Variants in CERS3 observed in about 807,000 individuals in gnomAD.
The protein encoded by CERS3 is ceramide synthase 3, also known as LAG1 homolog, ceramide synthase 3.
In CERS3, 33 loss-of-function variants were observed where a neutral mutation model predicts 50.3. The observed-to-expected ratio is 0.66, with a 90% CI of 0.50 to 0.88. The LOEUF is 0.88. CERS3 is among the 40% of genes least tolerant of loss of function. The pLI, the probability that CERS3 is intolerant of heterozygous loss-of-function variation, is 0.00. For synonymous variants in CERS3, 176 were observed against 155.2 expected, an observed-to-expected ratio of 1.13 and a Z score of -0.99; for missense variants, 470 against 460.3, an observed-to-expected ratio of 1.02 and a Z score of -0.19.
chr15:100,463,664 G>A (rs2654580), intron 10 of CERS3, among the ~76,000 whole-genome samples: 38,274 of 151,922 alleles, frequency 0.25, 5,323 homozygotes, highest in East Asian at 0.39. Flanking sequence ...GAACACATGT[G>A]GTAGAACAGG....
chr15:100,526,246 T>G (rs985709714), intron 1 of CERS3, among the ~76,000 whole-genome samples: 1 of 152,236 alleles, frequency 6.6e-6, no homozygotes, highest in Non-Finnish European at 1.5e-5. Flanking sequence ...TGCAGGTCAA[T>G]CTTTGCATCG....
intron 1 of CERS3, among the ~76,000 whole-genome samples, chr15:100,541,426 C>T (rs544919376): frequency 4.5e-4 from 69 of 152,116 alleles, no homozygotes; most frequent in South Asian, 1.0e-3. Flanking sequence ...GAGCCAAGAT[C>T]GTGCCACTGC....
intron 3 of CERS3, among the ~76,000 whole-genome samples, chr15:100,500,004 A>T (rs1216974138): frequency 6.6e-6 from 1 of 152,212 alleles, no homozygotes; most frequent in Non-Finnish European, 1.5e-5. Context: ...GATTTTATGT[A>T]GCTCTTAAAC....
rs58449704 is a variant in CERS3 at position 100,504,717 on chromosome 15, C to T, written c.-1-2867G>A. Among the ~76,000 whole-genome samples the T allele has an allele frequency of 8.5e-3, 1,293 of 152,082 alleles. 21 individuals are homozygous for T. Among genetic ancestry groups the T allele is most frequent in the African/African-American group, 0.029 (1,219 of 41,470 alleles). On this transcript the variant is annotated intron_variant, in intron 2 of 11. Transcript: ENST00000679737. ...GAAAGGACAGGGGTGAAGGGGTGAC[C>T]ACGGACTGCAGACTTGATCTGGGTA... is the stretch of plus-strand genomic sequence containing the variant.
intron 11 of CERS3, 53 bp from the exon 12 acceptor site, chr15:100,402,918 G>C: frequency 1.3e-6 from 2 of 1,528,470 alleles, no homozygotes; most frequent in South Asian, 2.5e-5. Context: ...GAAGAGTCTT[G>C]AGTAAATCTG....
At chr15:100,417,735 A>G (rs951311740) in intron 11 of CERS3, among the ~76,000 whole-genome samples, 5 of 151,988 alleles carry the variant, frequency 3.3e-5, no homozygotes, top group African/African-American at 9.7e-5. Context: ...TGGAGATCTG[A>G]GAACGGGCAG....
At chr15:100,416,701 A>C (rs1390694357) in intron 11 of CERS3, among the ~76,000 whole-genome samples, 1 of 152,182 alleles carries the variant, frequency 6.6e-6, no homozygotes, top group Non-Finnish European at 1.5e-5. Context: ...TATCACGAGA[A>C]CAGCATAGGG....
intron 1 of CERS3, among the ~76,000 whole-genome samples, chr15:100,535,896 C>T (rs1312075290): frequency 5.3e-4 from 12 of 22,458 alleles, no homozygotes; most frequent in Admixed American, 5.8e-4. Context: ...GAAGTGGGGA[C>T]ATCCCTGTGC....
rs776009939 is a variant in CERS3 at position 100,476,192 on chromosome 15, G to C, written c.517-14C>G. 1 of 1,528,894 alleles carries C rather than the reference G, an allele frequency of 6.5e-7. No individual in the cohort carries two copies. Among genetic ancestry groups the C allele is most frequent in the Non-Finnish European group, 8.8e-7 (1 of 1,136,408 alleles). The allele number at this position is 1,528,894 out of a possible 1,614,324, so 94.7% of individuals were successfully genotyped here. On this transcript the variant is annotated splice_polypyrimidine_tract_variant and intron_variant, in intron 7 of 11. Transcript: ENST00000679737. ...TGGCAGCAGGGGCTGAGGAAAAGAA[G>C]AGTATTCATTACTTTAAATGCCATC...
chr15:100,466,205 G>A (rs1333150277), intron 10 of CERS3, among the ~76,000 whole-genome samples: 3 of 152,146 alleles, frequency 2.0e-5, no homozygotes, highest in Non-Finnish European at 4.4e-5. Flanking sequence ...GCACTACCCC[G>A]ACAATCACTG....
chr15:100,501,322 T>A (rs1310933607), intron 3 of CERS3, among the ~76,000 whole-genome samples: 1 of 152,226 alleles, frequency 6.6e-6, no homozygotes, highest in Non-Finnish European at 1.5e-5. Context: ...TAGCACAGCC[T>A]TTCTGGGAAT....
chr15:100,529,960 C>G (rs57737119), upstream of CERS3, among the ~76,000 whole-genome samples: 9,304 of 152,276 alleles, frequency 0.061, 309 homozygotes, highest in Admixed American at 0.097. Context: ...CAAAGTTTCT[C>G]AGATTTCACT....
rs987526724 is a variant in CERS3 at position 100,484,753 on chromosome 15, G to A, written c.289-85C>T. The A allele has an allele frequency of 1.1e-5, 11 of 978,102 alleles. No individual in the cohort carries two copies. The East Asian group carries it at 1.2e-4, about 11-fold the overall frequency. 60.6% of individuals were successfully genotyped at this position (978,102 alleles called of 1,614,324 possible). Reference sequence around the variant, plus strand: ...ACAAGAGACGGAGATTGAGTTACAAGAGCTTCGGTACTGGGGATGAGAGAA... The same window carrying A: ...ACAAGAGACGGAGATTGAGTTACAAAAGCTTCGGTACTGGGGATGAGAGAA... On this transcript the variant is annotated intron_variant, in intron 4 of 11. Coordinates refer to ENST00000679737, the MANE Select transcript of CERS3 (RefSeq NM_001378789.1).
At chr15:100,424,509 G>A (rs2032679152) in intron 11 of CERS3, among the ~76,000 whole-genome samples, 1 of 152,200 alleles carries the variant, frequency 6.6e-6, no homozygotes, top group Non-Finnish European at 1.5e-5. Context: ...AGATGGAGAT[G>A]AAGAACTTTC....
chr15:100,518,979 T>C (rs1053750899), intron 2 of CERS3, among the ~76,000 whole-genome samples: 8 of 152,132 alleles, frequency 5.3e-5, no homozygotes, highest in African/African-American at 1.9e-4. Context: ...CTGACCAACA[T>C]GGTGAAACCG....
intron 2 of CERS3, chr15:100,503,796 C>G: frequency 2.1e-6 from 1 of 467,472 alleles, no homozygotes; most frequent in Admixed American, 2.4e-5. Context: ...TAGATGCAGT[C>G]AGCAGAGAGA....
At chr15:100,505,801 A>T (rs2036159365) in intron 2 of CERS3, among the ~76,000 whole-genome samples, 1 of 152,242 alleles carries the variant, frequency 6.6e-6, no homozygotes, top group Non-Finnish European at 1.5e-5. Flanking sequence ...TGAGCCCAGG[A>T]ATTCAAGACC....
At chr15:100,519,430 T>C (rs2036582078) in intron 2 of CERS3, among the ~76,000 whole-genome samples, 1 of 72,278 alleles carries the variant, frequency 1.4e-5, no homozygotes, top group Non-Finnish European at 3.3e-5. Flanking sequence ...GAAAGAAATG[T>C]TCTGAAAAAA....
At chr15:100,517,823 G>C (rs2036534532) in intron 2 of CERS3, among the ~76,000 whole-genome samples, 1 of 152,150 alleles carries the variant, frequency 6.6e-6, no homozygotes, top group Non-Finnish European at 1.5e-5. Flanking sequence ...GCGTTTACAG[G>C]AGAGGCAGGG....
Sources: gnomAD v4.1 joint callset for allele counts (sites outside exome capture counted in the v4.1 genomes callset) on GRCh38, gnomAD v4.1.1 for gene constraint, MANE v1.5 for transcripts, NCBI Gene and HGNC (gene_info 2026-07-23, HGNC 2026-07-21) for gene names.